The following ACSL5 variants were observed in gnomAD, a reference collection of about 807,000 sequenced individuals.
ACSL5 encodes the protein acyl-CoA synthetase long chain family member 5.
A neutral mutation model predicts 84.9 loss-of-function variants in ACSL5; 50 were observed. The observed-to-expected ratio is 0.59, with a 90% CI of 0.47 to 0.75. The LOEUF (loss-of-function observed/expected upper bound fraction) is 0.75. Among genes scored for constraint, ACSL5 ranks in the 30% least tolerant of loss-of-function variants. ACSL5 has a pLI of 0.00. For synonymous variants in ACSL5, 280 were observed against 300.7 expected, an observed-to-expected ratio of 0.93 and a Z score of 0.71; for missense variants, 775 against 830.4, an observed-to-expected ratio of 0.93 and a Z score of 0.82.
Position 112,411,525 on chromosome 10 carries a change from T to C in ACSL5, c.866T>C (p.Val289Ala). The C allele has an allele frequency of 6.2e-7, 1 of 1,612,314 alleles. No homozygotes were observed. The highest frequency in any genetic ancestry group is 8.5e-7 in the Non-Finnish European group (1 of 1,178,390). Residue 289 changes from valine (V) to alanine (A), a missense_variant, in exon 10 of 21, where the codon GTG becomes GCG. Physicochemically the swap from Val to Ala is moderately conservative, Grantham distance 64. Transcript: ENST00000354655. ...AATGCTGCTGCCTTTCTCAAATGTG[T>C]GGAGGTCAGTGGTCAGTTGAAAAAG... ...VSNAAAFLKC[V>A]EHAYEPTPDD...
chr10:112,388,577 C>T (rs957735068), intron 1 of ACSL5, among the ~76,000 whole-genome samples: 6 of 152,142 alleles, frequency 3.9e-5, no homozygotes, highest in Admixed American at 3.3e-4. Flanking sequence ...TCAACAACCA[C>T]TTGTTGAAAG....
intron 3 of ACSL5, among the ~76,000 whole-genome samples, chr10:112,400,440 C>T (rs1203098061): frequency 2.6e-5 from 3 of 116,172 alleles, no homozygotes; most frequent in Admixed American, 1.3e-4. Flanking sequence ...GATGGAGTCT[C>T]GCTCTGTTGC....
At chr10:112,408,564 G>A in intron 6 of ACSL5, 43 bp downstream of exon 6, 1 of 1,299,450 alleles carries the variant, frequency 7.7e-7, no homozygotes, top group South Asian at 1.2e-5. Context: ...CTTTCTCAAT[G>A]CTGAGTATTT....
chr10:112,407,926 A>G (rs1053691089), intron 5 of ACSL5, among the ~76,000 whole-genome samples: 1 of 151,972 alleles, frequency 6.6e-6, no homozygotes, highest in African/African-American at 2.4e-5. Flanking sequence ...TTTGTATTGC[A>G]GTTGTCCCTG....
chr10:112,387,923 G>T (rs1464513803), intron 1 of ACSL5, among the ~76,000 whole-genome samples: 3 of 144,504 alleles, frequency 2.1e-5, no homozygotes, highest in African/African-American at 7.6e-5. Context: ...GTAACAGAAT[G>T]ATTTATTTGT....
chr10:112,416,803 C>CT, intron 12 of ACSL5, 85 bp from the exon 13 acceptor site: 1 of 1,474,506 alleles, frequency 6.8e-7, no homozygotes, highest in Non-Finnish European at 9.4e-7. Flanking sequence ...CCTTATAAAG[C>CT]TAGAACACAC....
intron 3 of ACSL5, among the ~76,000 whole-genome samples, chr10:112,399,415 A>C (rs1180693189): frequency 6.6e-6 from 1 of 152,210 alleles, no homozygotes; most frequent in East Asian, 1.9e-4. Context: ...CCCTGCATTT[A>C]CAGATAGACA....
intron 1 of ACSL5, among the ~76,000 whole-genome samples, chr10:112,389,168 G>A (rs1849510404): frequency 1.3e-5 from 2 of 152,166 alleles, no homozygotes; most frequent in Admixed American, 6.5e-5. Context: ...AAAAAAATCC[G>A]AAGCTGAATA....
At chr10:112,380,695 C>T (rs1418785988) in intron 1 of ACSL5, among the ~76,000 whole-genome samples, 1 of 152,166 alleles carries the variant, frequency 6.6e-6, no homozygotes, top group Non-Finnish European at 1.5e-5. Flanking sequence ...GGTTTGGTGG[C>T]AGGCCCACTG....
intron 7 of ACSL5, chr10:112,410,195 C>A: frequency 6.8e-7 from 1 of 1,474,862 alleles, no homozygotes; most frequent in South Asian, 1.2e-5. Flanking sequence ...TTAGTTAGGG[C>A]CCTAGATGAC....
chr10:112,397,732 A>G (rs1444617621), intron 2 of ACSL5, among the ~76,000 whole-genome samples: 2 of 152,140 alleles, frequency 1.3e-5, no homozygotes, highest in African/African-American at 4.8e-5. Context: ...CATTTCCTCC[A>G]AATTCATTAT....
chr10:112,377,609 G>T (rs1374899390), intron 1 of ACSL5, among the ~76,000 whole-genome samples: 1 of 152,104 alleles, frequency 6.6e-6, no homozygotes, highest in African/African-American at 2.4e-5. Context: ...GGAGTAATTG[G>T]TTTTGTTTAT....
chr10:112,409,770 G>A, intron 7 of ACSL5, 85 bp downstream of exon 7: 1 of 1,383,458 alleles, frequency 7.2e-7, no homozygotes, highest in East Asian at 2.3e-5. Context: ...AGAGGACAGT[G>A]TTCTTGTTCT....
chr10:112,374,839 G>A (rs1849207669), intron 1 of ACSL5, among the ~76,000 whole-genome samples: 1 of 152,168 alleles, frequency 6.6e-6, no homozygotes, highest in African/African-American at 2.4e-5. Flanking sequence ...TAGCTCCAAG[G>A]TGGTGTGGCT....
At chr10:112,396,717 CCTATT>C (rs1843754476) in intron 2 of ACSL5, among the ~76,000 whole-genome samples, 1 of 152,194 alleles carries the variant, frequency 6.6e-6, no homozygotes, top group Admixed American at 6.5e-5. Context: ...CCCCTCCTTT[CCTATT>C]CTATTTCAGT....
chr10:112,412,378 G>A, intron 11 of ACSL5: 1 of 188,062 alleles, frequency 5.3e-6, no homozygotes, highest in East Asian at 1.4e-4. Context: ...GAGGATCAGG[G>A]AAGGAGCATT....
At chr10:112,378,645 G>A (rs115922427) in intron 1 of ACSL5, among the ~76,000 whole-genome samples, 134 of 152,284 alleles carry the variant, frequency 8.8e-4, no homozygotes, top group African/African-American at 3.2e-3. Context: ...CTCAGCTGGA[G>A]TGCAGTCAGA....
At chr10:112,409,185 T>C (rs1844119422) in intron 6 of ACSL5, 1 of 252,460 alleles carries the variant, frequency 4.0e-6, no homozygotes, top group East Asian at 7.9e-5. Context: ...ACTATCCTCC[T>C]CAAATAAAAC....
intron 1 of ACSL5, among the ~76,000 whole-genome samples, chr10:112,386,096 G>T (rs988605395): frequency 6.7e-6 from 1 of 149,186 alleles, no homozygotes; most frequent in Non-Finnish European, 1.5e-5. Context: ...TTTAGTACAT[G>T]ATAATAGCAT....
Sources: gnomAD v4.1 joint callset for allele counts (sites outside exome capture counted in the v4.1 genomes callset) on GRCh38, gnomAD v4.1.1 for gene constraint, MANE v1.5 for transcripts, NCBI Gene and HGNC (gene_info 2026-07-23, HGNC 2026-07-21) for gene names.